The following SDC2 variants were observed in gnomAD, a reference collection of about 807,000 sequenced individuals.
SDC2 encodes syndecan 2, also known as syndecan-2.
SDC2 carries 13 observed loss-of-function variants against 22.2 expected under a neutral mutation model. The observed-to-expected ratio is 0.59, with a 90% CI of 0.38 to 0.93. The LOEUF (loss-of-function observed/expected upper bound fraction) is 0.93, where lower values mean the gene tolerates loss of function less well. SDC2 is among the 40% of genes least tolerant of loss of function. The probability of loss-of-function intolerance (pLI) is 0.00; values close to 1 mark genes in which losing one functional copy is unlikely to be tolerated. For missense variants in SDC2, 235 were observed against 246.8 expected (o/e 0.95, Z 0.32); for synonymous variants, 94 against 92.8 (o/e 1.01, Z -0.07).
rs1813297412 is a variant in SDC2 at position 96,509,480 on chromosome 8, G to T, written c.60+15149G>T. 2.1e-5 allele frequency among the ~76,000 whole-genome samples: 3 copies of T among 141,960 alleles called. 1 individual carries two copies. Among genetic ancestry groups the T allele is most frequent in the Admixed American group, 1.4e-4 (2 of 14,266 alleles). The allele number at this position is 141,960 out of a possible 152,430, so 93.1% of individuals were successfully genotyped here. ...TGTGGCTCTTGTGTTTTGGTGAAAG[G>T]AGGAGGCATTTTGGTTTCTCTAGGT... On this transcript the variant is annotated intron_variant, in intron 1 of 4. Coordinates refer to ENST00000302190, the MANE Select transcript of SDC2 (RefSeq NM_002998.4).
chr8:96,577,805 C>A (rs1586310611), intron 1 of SDC2, among the ~76,000 whole-genome samples: 1 of 152,160 alleles, frequency 6.6e-6, no homozygotes, highest in Non-Finnish European at 1.5e-5. Context: ...TTATGCCTTT[C>A]CAACATGTTG....
At position 96,572,259 on chromosome 8, in the gene SDC2, A is replaced by G. The variant is rs1361263616; in HGVS notation, c.61-21221A>G. 3.3e-5 allele frequency among the ~76,000 whole-genome samples: 5 copies of G among 152,342 alleles called. No homozygotes were observed. The East Asian group carries it at 9.6e-4, about 29-fold the overall frequency. The stretch of plus-strand genomic sequence containing the variant: ...CCCCTGGTGGAAAATGTTTGTTCAT[A>G]TTAAAGGAGAAGATGGTTAATACCT... On this transcript the variant is annotated intron_variant, in intron 1 of 4. Transcript: ENST00000302190.
At chr8:96,504,980 G>A (rs759190154) in intron 1 of SDC2, among the ~76,000 whole-genome samples, 2 of 152,036 alleles carry the variant, frequency 1.3e-5, no homozygotes. Context: ...GGGTCACAAG[G>A]TGCTCAGTAG....
intron 1 of SDC2, among the ~76,000 whole-genome samples, chr8:96,579,937 C>T (rs1429026111): frequency 4.6e-5 from 7 of 152,008 alleles, no homozygotes; most frequent in African/African-American, 1.4e-4. Flanking sequence ...TCTTAAAAGC[C>T]GTGAAAGGGA....
At chr8:96,501,825 G>A (rs1303033873) in intron 1 of SDC2, among the ~76,000 whole-genome samples, 3 of 152,156 alleles carry the variant, frequency 2.0e-5, no homozygotes, top group African/African-American at 7.2e-5. Context: ...TTTAGGGTGT[G>A]GTAGGAGAAA....
intron 1 of SDC2, among the ~76,000 whole-genome samples, chr8:96,495,454 G>C (rs1485306664): frequency 3.9e-5 from 6 of 152,180 alleles, no homozygotes; most frequent in Non-Finnish European, 7.3e-5. Context: ...GAGCTCTGTC[G>C]GGCCAGGTGG....
chr8:96,580,819 G>A (rs1329215499), intron 1 of SDC2, among the ~76,000 whole-genome samples: 2 of 152,180 alleles, frequency 1.3e-5, no homozygotes, highest in African/African-American at 4.8e-5. Flanking sequence ...TTGCAGGAAT[G>A]GGGTACCCTA....
At chr8:96,533,308 TTGATTGGTCCATTTTACAGAAAGC>T (rs1563651401) in intron 1 of SDC2, among the ~76,000 whole-genome samples, 2 of 152,218 alleles carry the variant, frequency 1.3e-5, no homozygotes, top group East Asian at 3.9e-4. Flanking sequence ...CCACATCCTG[TTGATTGGTCCATTTTACAGAAAGC>T]TGATTGGTCT....
intron 1 of SDC2, among the ~76,000 whole-genome samples, chr8:96,580,824 A>G (rs1814577450): frequency 6.6e-6 from 1 of 152,202 alleles, no homozygotes. Context: ...GGAATGGGGT[A>G]CCCTATTAAT....
intron 1 of SDC2, among the ~76,000 whole-genome samples, chr8:96,540,029 A>G (rs928660693): frequency 1.3e-5 from 2 of 152,182 alleles, no homozygotes; most frequent in South Asian, 2.1e-4. Context: ...AAATCCTTTT[A>G]AAACCAGTCA....
At chr8:96,527,147 G>T (rs1334439420) in intron 1 of SDC2, among the ~76,000 whole-genome samples, 8 of 152,150 alleles carry the variant, frequency 5.3e-5, no homozygotes, top group Non-Finnish European at 1.2e-4. Flanking sequence ...CTCCACAGGG[G>T]GAAGAGGGCA....
At chr8:96,581,916 C>G (rs10107507) in intron 1 of SDC2, among the ~76,000 whole-genome samples, 3,651 of 152,294 alleles carry the variant, frequency 0.024, 137 homozygotes, top group African/African-American at 0.075. Context: ...TCATATACAG[C>G]ACTTCAGCAC....
At chr8:96,561,046 A>G (rs1050089103) in intron 1 of SDC2, among the ~76,000 whole-genome samples, 1 of 152,140 alleles carries the variant, frequency 6.6e-6, no homozygotes, top group African/African-American at 2.4e-5. Context: ...GGAGGTTGCA[A>G]TGAGCCGAGA....
chr8:96,522,559 G>C (rs906326862), intron 1 of SDC2, among the ~76,000 whole-genome samples: 41 of 152,150 alleles, frequency 2.7e-4, no homozygotes, highest in Admixed American at 5.2e-4. Context: ...ACCCTATCGA[G>C]AAACACTTTC....
chr8:96,552,663 T>C (rs1377188865), intron 1 of SDC2, among the ~76,000 whole-genome samples: 3 of 152,208 alleles, frequency 2.0e-5, no homozygotes, highest in African/African-American at 4.8e-5. Context: ...CAAAGAAGTT[T>C]TTAGATTTTT....
Position 96,494,315 on chromosome 8 carries a change from G to C in SDC2, c.44G>C (p.Cys15Ser). ...CTGCTCACCTTGGGCTTGGTGGCCT[G>C]CGTGTCGGCGGAGTCGGTGAGTGGG... ...WILLTLGLVA[C>S]VSAESRAELT... The change falls in exon 1 of 5, where the codon TGC becomes TCC. Residue 15 changes from cysteine to serine, a missense_variant. Physicochemically the swap from Cys to Ser is moderately radical, Grantham distance 112. Transcript: ENST00000302190. 6.5e-7 allele frequency: 1 copy of C among 1,544,826 alleles called. No individual in the cohort carries two copies. Among genetic ancestry groups the C allele is most frequent in the Non-Finnish European group, 8.7e-7 (1 of 1,149,196 alleles).
chr8:96,514,987 C>T (rs1586274032), intron 1 of SDC2, among the ~76,000 whole-genome samples: 1 of 152,140 alleles, frequency 6.6e-6, no homozygotes, highest in East Asian at 1.9e-4. Flanking sequence ...CGCTCACTTC[C>T]ATGTTTCCTT....
intron 1 of SDC2, among the ~76,000 whole-genome samples, chr8:96,507,935 G>C (rs1056378013): frequency 1.3e-5 from 2 of 152,060 alleles, no homozygotes; most frequent in African/African-American, 4.8e-5. Flanking sequence ...AGGCAGAGGC[G>C]GGTGGATCAC....
intron 1 of SDC2, among the ~76,000 whole-genome samples, chr8:96,534,894 G>T (rs1813727481): frequency 6.6e-6 from 1 of 152,060 alleles, no homozygotes; most frequent in Non-Finnish European, 1.5e-5. Flanking sequence ...AAGCCTCACT[G>T]TTCTTGCTTT....
Sources: allele counts gnomAD v4.1 joint callset (sites outside exome capture counted in the v4.1 genomes callset), GRCh38; gene constraint gnomAD v4.1.1; transcripts MANE v1.5; gene names NCBI Gene and HGNC (gene_info 2026-07-23, HGNC 2026-07-21).